The following LPP variants were observed in gnomAD, a reference collection of about 807,000 sequenced individuals.
LPP encodes LIM domain containing preferred translocation partner in lipoma.
In LPP, 38 loss-of-function variants were observed where a neutral mutation model predicts 60.4. The ratio of observed to expected loss-of-function variants is 0.63; its 90% CI spans 0.49 to 0.83. LPP has a LOEUF of 0.83. Among genes scored for constraint, LPP ranks in the 40% least tolerant of loss-of-function variants. The pLI, the probability that LPP is intolerant of heterozygous loss-of-function variation, is 0.00. For synonymous variants in LPP, 328 were observed against 290.8 expected, an observed-to-expected ratio of 1.13 and a Z score of -1.30; for missense variants, 902 against 783.6, an observed-to-expected ratio of 1.15 and a Z score of -1.80.
At chr3:188,830,386 C>T (rs1010395474) in intron 9 of LPP, among the ~76,000 whole-genome samples, 1 of 150,880 alleles carries the variant, frequency 6.6e-6, no homozygotes, top group Middle Eastern at 3.5e-3. Flanking sequence ...GGGCAGATCA[C>T]GAGGTCAGGA....
At chr3:188,725,274 T>C (rs532289922) in intron 8 of LPP, 1 of 152,396 alleles carries the variant, frequency 6.6e-6, no homozygotes, top group East Asian at 1.9e-4. Flanking sequence ...GGGGATACTT[T>C]TGCTTCTGGT....
At chr3:188,404,868 C>A (rs1424257133) in intron 3 of LPP, among the ~76,000 whole-genome samples, 1 of 152,186 alleles carries the variant, frequency 6.6e-6, no homozygotes, top group Non-Finnish European at 1.5e-5. Context: ...AGAGCTCTTG[C>A]AATCAGGCTT....
Position 188,883,955 on chromosome 3 carries a change from T to C in LPP, c.*9476T>C, listed in dbSNP as rs1472893741. 2.8e-5 allele frequency: 6 copies of C among 216,678 alleles called. No individual in the cohort carries two copies. The highest frequency in any genetic ancestry group is 1.2e-4 in the Admixed American group (2 of 17,138). 13.4% of individuals were successfully genotyped at this position (216,678 alleles called of 1,614,324 possible). A position where few individuals can be genotyped will look rare whatever the true frequency, so the allele number is the denominator to read the frequency against. On this transcript the variant is annotated 3_prime_UTR_variant, in exon 12 of 12. Transcript: ENST00000617246. ...CTTTCCTCATTGCTCTGGATGACTA[T>C]TTAGTTTAAATAATATACCTTTGTC... is the stretch of plus-strand genomic sequence containing the variant.
intron 5 of LPP, among the ~76,000 whole-genome samples, chr3:188,518,663 G>A (rs1818053407): frequency 6.6e-6 from 1 of 152,194 alleles, no homozygotes; most frequent in Non-Finnish European, 1.5e-5. Context: ...TCTATAATGT[G>A]TCAGTATGGT....
At chr3:188,726,354 T>C (rs1049809785) in intron 8 of LPP, among the ~76,000 whole-genome samples, 32 of 152,144 alleles carry the variant, frequency 2.1e-4, no homozygotes, top group African/African-American at 7.5e-4. Context: ...CTAAGTGATG[T>C]GAGAAAAAGA....
At chr3:188,630,646 A>G (rs1013706637) in intron 7 of LPP, among the ~76,000 whole-genome samples, 1 of 152,172 alleles carries the variant, frequency 6.6e-6, no homozygotes, top group Non-Finnish European at 1.5e-5. Flanking sequence ...AAATTGTTCT[A>G]TTAAGTTGGT....
chr3:188,726,750 A>G (rs2149971816), intron 8 of LPP, among the ~76,000 whole-genome samples: 1 of 152,312 alleles, frequency 6.6e-6, no homozygotes, highest in South Asian at 2.1e-4. Context: ...TATTTCTCGT[A>G]AACAAGGCAA....
intron 5 of LPP, among the ~76,000 whole-genome samples, chr3:188,523,161 C>A (rs921777288): frequency 6.6e-6 from 1 of 152,030 alleles, no homozygotes; most frequent in Non-Finnish European, 1.5e-5. Flanking sequence ...CCCGCCTTGG[C>A]CTCGAAACCT....
At chr3:188,837,501 A>G (rs17673130) in intron 9 of LPP, among the ~76,000 whole-genome samples, 18,259 of 151,842 alleles carry the variant, frequency 0.12, 1,568 homozygotes, top group Non-Finnish European at 0.18. Context: ...TCACAGCTAA[A>G]TTTGATTTGC....
intron 5 of LPP, among the ~76,000 whole-genome samples, chr3:188,488,991 C>G (rs1807498434): frequency 6.6e-6 from 1 of 152,144 alleles, no homozygotes; most frequent in Non-Finnish European, 1.5e-5. Flanking sequence ...CTCTTTTCAG[C>G]CAGGCCATAG....
chr3:188,656,199 GAA>G (rs67731158), intron 7 of LPP, among the ~76,000 whole-genome samples: 120,071 of 134,940 alleles, frequency 0.89, 53,399 homozygotes, highest in Admixed American at 0.92. Flanking sequence ...TCTCCAAAAG[GAA>G]AAAAAAAAAA....
chr3:188,738,086 A>G (rs6774775), intron 8 of LPP, among the ~76,000 whole-genome samples: 33,656 of 151,630 alleles, frequency 0.22, 4,259 homozygotes, highest in Middle Eastern at 0.43. Context: ...TTTGGTACTG[A>G]TGTGCTTTTA....
intron 6 of LPP, among the ~76,000 whole-genome samples, chr3:188,594,780 T>A (rs1839656404): frequency 6.6e-6 from 1 of 152,150 alleles, no homozygotes; most frequent in African/African-American, 2.4e-5. Flanking sequence ...GTTGTAAATA[T>A]AAATATACAT....
intron 2 of LPP, among the ~76,000 whole-genome samples, chr3:188,226,961 T>A (rs980296204): frequency 6.6e-6 from 1 of 152,180 alleles, no homozygotes; most frequent in African/African-American, 2.4e-5. Context: ...AAACATGATC[T>A]GGAATATATT....
chr3:188,380,111 G>T (rs1454631851), intron 3 of LPP, among the ~76,000 whole-genome samples: 1 of 152,196 alleles, frequency 6.6e-6, no homozygotes, highest in Non-Finnish European at 1.5e-5. Flanking sequence ...AGAACCAGGT[G>T]TGAAATCATG....
At chr3:188,399,147 C>T (rs985821279) in intron 3 of LPP, among the ~76,000 whole-genome samples, 3 of 152,126 alleles carry the variant, frequency 2.0e-5, no homozygotes, top group South Asian at 2.1e-4. Context: ...TCAGAGATAA[C>T]GGAAGTTACA....
chr3:188,406,077 G>A (rs1451226689), intron 3 of LPP, 35 bp from the exon 4 acceptor site: 2 of 1,566,182 alleles, frequency 1.3e-6, no homozygotes, highest in Admixed American at 1.8e-5. Context: ...TCGTTTTCAT[G>A]CTTCCATAAA....
intron 7 of LPP, among the ~76,000 whole-genome samples, chr3:188,640,277 C>G (rs1849782043): frequency 6.7e-6 from 1 of 149,716 alleles, no homozygotes; most frequent in East Asian, 2.0e-4. Flanking sequence ...AACAAAAAAC[C>G]AAACACCACA....
intron 1 of LPP, among the ~76,000 whole-genome samples, chr3:188,197,075 T>C (rs1729748087): frequency 6.6e-6 from 1 of 152,242 alleles, no homozygotes; most frequent in African/African-American, 2.4e-5. Context: ...GTGATATTTG[T>C]TGAGCAAATA....
Sources: allele counts gnomAD v4.1 joint callset (sites outside exome capture counted in the v4.1 genomes callset), GRCh38; gene constraint gnomAD v4.1.1; transcripts MANE v1.5; gene names NCBI Gene and HGNC (gene_info 2026-07-23, HGNC 2026-07-21).